The following CPQ variants were observed in gnomAD, a reference collection of about 807,000 sequenced individuals.
CPQ encodes carboxypeptidase Q.
A neutral mutation model predicts 45.7 loss-of-function variants in CPQ; 37 were observed. That is an observed-to-expected ratio of 0.81 (90% CI 0.62 to 1.07). The LOEUF (loss-of-function observed/expected upper bound fraction) is 1.07. Among genes scored for constraint, CPQ ranks in the 50% least tolerant of loss-of-function variants. The pLI, the probability that CPQ is intolerant of heterozygous loss-of-function variation, is 0.00. For missense variants in CPQ, 537 were observed against 572.9 expected, an observed-to-expected ratio of 0.94 and a Z score of 0.64; for synonymous variants, 186 against 205.8, an observed-to-expected ratio of 0.90 and a Z score of 0.82.
chr8:97,099,194 G>A (rs564510692), intron 7 of CPQ, among the ~76,000 whole-genome samples: 8 of 127,762 alleles, frequency 6.3e-5, no homozygotes, highest in Middle Eastern at 5.4e-3. Flanking sequence ...GCAGTGGCAC[G>A]ATCTCAGCTC....
intron 5 of CPQ, among the ~76,000 whole-genome samples, chr8:96,990,700 A>T (rs1045230331): frequency 1.3e-5 from 2 of 152,196 alleles, no homozygotes; most frequent in Admixed American, 6.5e-5. Context: ...GCCCTTACCA[A>T]TATTATAGTT....
intron 2 of CPQ, among the ~76,000 whole-genome samples, chr8:96,825,313 T>A (rs770490233): frequency 6.6e-6 from 1 of 151,992 alleles, no homozygotes; most frequent in South Asian, 2.1e-4. Context: ...GGATGTAAGG[T>A]ATAGGAGAGC....
intron 3 of CPQ, among the ~76,000 whole-genome samples, chr8:96,864,251 G>T (rs2130869422): frequency 6.6e-6 from 1 of 152,144 alleles, no homozygotes; most frequent in South Asian, 2.1e-4. Flanking sequence ...CACCTAGTAT[G>T]TTTAGCTGTT....
intron 1 of CPQ, among the ~76,000 whole-genome samples, chr8:96,693,585 T>G (rs1219818499): frequency 6.6e-6 from 1 of 152,096 alleles, no homozygotes; most frequent in Non-Finnish European, 1.5e-5. Context: ...AGAAAAAATC[T>G]TTTACCATGG....
At chr8:97,080,648 G>T (rs1667246615) in intron 7 of CPQ, among the ~76,000 whole-genome samples, 1 of 152,128 alleles carries the variant, frequency 6.6e-6, no homozygotes, top group Admixed American at 6.6e-5. Flanking sequence ...CCCTCATGGG[G>T]ACTTTTAACA....
intron 7 of CPQ, among the ~76,000 whole-genome samples, chr8:97,100,021 A>G (rs1185441381): frequency 2.0e-5 from 3 of 152,226 alleles, no homozygotes; most frequent in East Asian, 3.8e-4. Context: ...GCTGTACAGC[A>G]GTGAAATCAC....
At chr8:96,926,570 CTCTTCCTCTTCTTCTTCTTCT>C (rs1348335889) in intron 4 of CPQ, among the ~76,000 whole-genome samples, 34 of 46,676 alleles carry the variant, frequency 7.3e-4, no homozygotes, top group South Asian at 1.2e-3. Context: ...CTTCCTCTTC[CTCTTCCTCTTCTTCTTCTTCT>C]TCTTCTTCTT....
At chr8:96,937,835 A>G (rs1275774909) in intron 4 of CPQ, among the ~76,000 whole-genome samples, 2 of 152,200 alleles carry the variant, frequency 1.3e-5, no homozygotes, top group African/African-American at 4.8e-5. Flanking sequence ...TAATATTCAC[A>G]GGATTACAGT....
At chr8:96,837,847 A>T (rs1334660948) in intron 3 of CPQ, among the ~76,000 whole-genome samples, 2 of 151,938 alleles carry the variant, frequency 1.3e-5, no homozygotes, top group African/African-American at 4.8e-5. Flanking sequence ...TTCTGTGTCC[A>T]TCATTTCTAA....
intron 7 of CPQ, among the ~76,000 whole-genome samples, chr8:97,104,711 C>G (rs989232489): frequency 6.6e-6 from 1 of 152,166 alleles, no homozygotes; most frequent in Non-Finnish European, 1.5e-5. Context: ...AAAGATTCCA[C>G]AGTCAGGAAT....
intron 5 of CPQ, among the ~76,000 whole-genome samples, chr8:97,010,026 G>C (rs1200166577): frequency 6.6e-6 from 1 of 152,226 alleles, no homozygotes; most frequent in Non-Finnish European, 1.5e-5. Context: ...AGAGGGGTTA[G>C]AAGGTGGGGC....
intron 1 of CPQ, among the ~76,000 whole-genome samples, chr8:96,651,985 A>G (rs776492324): frequency 1.3e-5 from 2 of 152,238 alleles, no homozygotes; most frequent in Non-Finnish European, 2.9e-5. Flanking sequence ...TGTGGTGAAA[A>G]TATTTGAAAT....
intron 7 of CPQ, among the ~76,000 whole-genome samples, chr8:97,096,939 G>T (rs1234832514): frequency 1.3e-5 from 2 of 152,232 alleles, no homozygotes; most frequent in Non-Finnish European, 2.9e-5. Flanking sequence ...ATTTCTGTGT[G>T]CAATGTGTTG....
intron 7 of CPQ, among the ~76,000 whole-genome samples, chr8:97,140,799 A>G (rs1004850203): frequency 6.6e-6 from 1 of 152,082 alleles, no homozygotes; most frequent in African/African-American, 2.4e-5. Context: ...GCCCTAACAG[A>G]TATCAAGGAT....
chr8:96,714,237 AC>A (rs1809648226), intron 1 of CPQ, among the ~76,000 whole-genome samples: 1 of 152,096 alleles, frequency 6.6e-6, no homozygotes, highest in Admixed American at 6.5e-5. Context: ...AGTTTTCCAA[AC>A]TTTTTGCTTT....
At chr8:97,118,154 A>G (rs1811626810) in intron 7 of CPQ, among the ~76,000 whole-genome samples, 1 of 152,248 alleles carries the variant, frequency 6.6e-6, no homozygotes, top group Non-Finnish European at 1.5e-5. Flanking sequence ...TGGTACATCA[A>G]AGAGATCATT....
At chr8:96,953,435 T>C (rs1011520269) in intron 4 of CPQ, among the ~76,000 whole-genome samples, 6 of 152,102 alleles carry the variant, frequency 3.9e-5, no homozygotes, top group African/African-American at 1.2e-4. Flanking sequence ...GGCCTGATTA[T>C]TCCTTCAGGG....
chr8:97,057,379 G>A (rs924086774), intron 6 of CPQ, among the ~76,000 whole-genome samples: 1 of 152,046 alleles, frequency 6.6e-6, no homozygotes, highest in African/African-American at 2.4e-5. Context: ...CCATTATTTT[G>A]TCCAGCGTTC....
intron 1 of CPQ, among the ~76,000 whole-genome samples, chr8:96,684,834 C>G (rs1167741497): frequency 6.6e-6 from 1 of 151,964 alleles, no homozygotes; most frequent in African/African-American, 2.4e-5. Context: ...GACTTGGTGG[C>G]TCACGCCTGT....
Sources: gnomAD v4.1 joint callset for allele counts (sites outside exome capture counted in the v4.1 genomes callset) on GRCh38, gnomAD v4.1.1 for gene constraint, MANE v1.5 for transcripts, NCBI Gene and HGNC (gene_info 2026-07-23, HGNC 2026-07-21) for gene names.